The following TEX2 variants were observed in gnomAD, a reference collection of about 807,000 sequenced individuals.
TEX2 encodes the protein testis-expressed protein 2.
TEX2 carries 53 observed loss-of-function variants against 106.9 expected under a neutral mutation model. The observed-to-expected ratio is 0.50, with a 90% CI of 0.40 to 0.62. The LOEUF (loss-of-function observed/expected upper bound fraction) is 0.62. Among genes scored for constraint, TEX2 ranks in the 20% least tolerant of loss-of-function variants. The probability of loss-of-function intolerance (pLI) is 0.00; values close to 1 mark genes in which losing one functional copy is unlikely to be tolerated. For missense variants in TEX2, 1,207 were observed against 1,379.0 expected (o/e 0.88, Z 1.98); for synonymous variants, 523 against 534.8 (o/e 0.98, Z 0.30).
In TEX2 at chr17:64,217,067, A is replaced by G. The variant is rs1398313608; in HGVS notation, c.-25-2825T>C. Among the ~76,000 whole-genome samples, 2 of 152,182 alleles carry G rather than the reference A, an allele frequency of 1.3e-5. No individual in the cohort carries two copies. The highest frequency in any genetic ancestry group is 2.9e-5 in the Non-Finnish European group (2 of 68,026). On this transcript the variant is annotated intron_variant, in intron 1 of 11. Transcript: ENST00000584379. This position sits in a 1 kb window ranked among gnomAD's most constrained non-coding sequence, Gnocchi z 4.3. ...AGCATCACTACTGCTCTTTAAATAC[A>G]AGAAAATGTCCAGGCTTCTGTTTGC...
rs569368061 is a variant in TEX2 at position 64,213,893 on chromosome 17, C to T, written c.325G>A (p.Val109Ile). ...SVSQAPAILP[V>I]SKNTVKLLES... ...AACAGCTTTACAGTGTTCTTGGAGA[C>T]GGGCAAAATGGCAGGGGCCTGGGAC... The change falls in exon 2 of 12, where the codon GTC becomes ATC. Residue 109 changes from valine (V) to isoleucine (I), a missense_variant. Coordinates refer to ENST00000584379, the MANE Select transcript of TEX2 (RefSeq NM_001288732.2). This position sits in a 1 kb window ranked among gnomAD's most constrained non-coding sequence, Gnocchi z 4.4. 7.1e-5 allele frequency: 114 copies of T among 1,614,170 alleles called. 1 individual carries two copies. Among genetic ancestry groups the T allele is most frequent in the African/African-American group, 3.2e-4 (24 of 75,044 alleles).
chr17:64,188,145 T>C (rs761626668), intron 5 of TEX2, 23 bp downstream of exon 5: 4 of 1,597,684 alleles, frequency 2.5e-6, no homozygotes, highest in South Asian at 1.1e-5. Flanking sequence ...GTGAAAAAGG[T>C]CCGGCCCAGC....
At chr17:64,159,780 G>GAAA in intron 8 of TEX2, among the ~76,000 whole-genome samples, 1 of 152,320 alleles carries the variant, frequency 6.6e-6, no homozygotes, top group East Asian at 1.9e-4. Context: ...ACAGACACCG[G>GAAA]TTAGATTGCA....
intron 6 of TEX2, among the ~76,000 whole-genome samples, chr17:64,176,235 G>A (rs2143772845): frequency 6.6e-6 from 1 of 152,310 alleles, no homozygotes; most frequent in South Asian, 2.1e-4. Context: ...CCCACAGACA[G>A]CAGCCAGAGC....
chr17:64,179,657 G>C (rs563678557), intron 5 of TEX2, among the ~76,000 whole-genome samples: 1 of 152,130 alleles, frequency 6.6e-6, no homozygotes, highest in South Asian at 2.1e-4. Flanking sequence ...TGGGGGCCTA[G>C]GGTTCGCTTA....
At chr17:64,161,050 T>A in intron 7 of TEX2, 117 bp from the exon 8 acceptor site, 2 of 1,110,478 alleles carry the variant, frequency 1.8e-6, no homozygotes, top group Non-Finnish European at 2.6e-6. Context: ...ATGTATCGTC[T>A]ACTACTCTAG....
intron 4 of TEX2, among the ~76,000 whole-genome samples, chr17:64,189,199 GC>G (rs1281770781): frequency 6.6e-6 from 1 of 152,180 alleles, no homozygotes; most frequent in African/African-American, 2.4e-5. Context: ...TTGAACTCAC[GC>G]ACCTAAGCAG....
intron 4 of TEX2, among the ~76,000 whole-genome samples, chr17:64,191,962 T>A (rs2032319123): frequency 6.6e-6 from 1 of 152,228 alleles, no homozygotes; most frequent in Non-Finnish European, 1.5e-5. Flanking sequence ...ATGAGATATT[T>A]TACATTCTTT....
intron 1 of TEX2, among the ~76,000 whole-genome samples, chr17:64,234,682 G>A (rs1555634926): frequency 6.6e-6 from 1 of 152,138 alleles, no homozygotes; most frequent in African/African-American, 2.4e-5. Context: ...GAATAAATGG[G>A]ACGGCACTTC....
rs373752500 is a variant in TEX2, at chr17:64,151,194, GAGCCA to G, written c.3141-238_3141-234del. On this transcript the variant is annotated intron_variant, in intron 10 of 11. Transcript: ENST00000584379. ...TTAGAACAGTTCTGACAAACTGAGA[GAGCCA>G]GGAAGCACCACTGGAAAAGTCCATG... Among the ~76,000 whole-genome samples the G allele has an allele frequency of 3.2e-3, 492 of 152,306 alleles. 2 individuals are homozygous for G. Among genetic ancestry groups the G allele is most frequent in the African/African-American group, 0.012 (480 of 41,566 alleles).
intron 2 of TEX2, among the ~76,000 whole-genome samples, chr17:64,203,742 C>T (rs1194826208): frequency 6.6e-6 from 1 of 152,070 alleles, no homozygotes; most frequent in Non-Finnish European, 1.5e-5. Flanking sequence ...CTATAAAGAA[C>T]ATTAAAAAAA....
intron 1 of TEX2, among the ~76,000 whole-genome samples, chr17:64,259,090 C>T (rs79250430): frequency 0.018 from 2,697 of 152,278 alleles, 76 homozygotes; most frequent in African/African-American, 0.061. Flanking sequence ...TGAAGTGACG[C>T]GCAGCTGGTA....
At chr17:64,208,804 T>C (rs1016697749) in intron 2 of TEX2, among the ~76,000 whole-genome samples, 8 of 151,958 alleles carry the variant, frequency 5.3e-5, no homozygotes, top group African/African-American at 1.9e-4. Flanking sequence ...ATTTTAAATT[T>C]TTTGTAGAGA....
intron 2 of TEX2, among the ~76,000 whole-genome samples, chr17:64,199,994 T>G (rs2032606395): frequency 6.6e-6 from 1 of 152,242 alleles, no homozygotes; most frequent in African/African-American, 2.4e-5. Context: ...ATGCTTTGCA[T>G]AATTAAATGA....
At chr17:64,234,875 T>C (rs2033733769) in intron 1 of TEX2, among the ~76,000 whole-genome samples, 1 of 152,228 alleles carries the variant, frequency 6.6e-6, no homozygotes, top group African/African-American at 2.4e-5. Context: ...TATTTATTTC[T>C]TCAGAAAATA....
intron 5 of TEX2, among the ~76,000 whole-genome samples, chr17:64,180,563 A>G (rs144834334): frequency 2.0e-5 from 3 of 152,356 alleles, no homozygotes; most frequent in African/African-American, 7.2e-5. Flanking sequence ...GGCCCAACGA[A>G]TGTCATAAAA....
intron 1 of TEX2, among the ~76,000 whole-genome samples, chr17:64,230,290 A>C (rs1304695256): frequency 6.6e-6 from 1 of 152,218 alleles, no homozygotes; most frequent in Admixed American, 6.5e-5. Flanking sequence ...TGCCCCGCCA[A>C]GACAAAATGG....
At position 64,150,852 on chromosome 17, in the gene TEX2, G is replaced by T; in HGVS notation, c.3250C>A (p.Gln1084Lys). Residue 1084 changes from glutamine (Q) to lysine (K), a missense_variant, in exon 11 of 12, where the codon CAA becomes AAA. By Grantham distance (53) the Gln-to-Lys change is moderately conservative. Around this residue, in one of 3 missense-constraint regions of TEX2, gnomAD observed 77 missense variants for 73.2 expected, o/e 1.05. Coordinates refer to ENST00000584379, the MANE Select transcript of TEX2 (RefSeq NM_001288732.2). Reference protein sequence around the residue: ...VTDWIEKKLEQEFQKVFVMPN... With the variant: ...VTDWIEKKLEKEFQKVFVMPN... ...CACTAGAGGTTTACCTGAAACTCTT[G>T]CTCCAGTTTCTTCTCTATCCAGTCT... 1 of 1,612,942 alleles carries T rather than the reference G, an allele frequency of 6.2e-7. No individual in the cohort carries two copies. Among genetic ancestry groups the T allele is most frequent in the Non-Finnish European group, 8.5e-7 (1 of 1,179,542 alleles).
At chr17:64,246,490 C>T (rs1555636302) in intron 1 of TEX2, among the ~76,000 whole-genome samples, 2 of 152,144 alleles carry the variant, frequency 1.3e-5, no homozygotes. Flanking sequence ...CGTGATCTGC[C>T]CACCTTGGCC....
Sources: gnomAD v4.1 joint callset for allele counts (sites outside exome capture counted in the v4.1 genomes callset) on GRCh38, gnomAD v4.1.1 for gene constraint, gnomAD v4.1.1 regional missense constraint, Gnocchi (gnomAD v3.1) non-coding constraint, MANE v1.5 for transcripts, NCBI Gene and HGNC (gene_info 2026-07-23, HGNC 2026-07-21) for gene names.